MAFK: variants seen among roughly 807,000 people sequenced by gnomAD.
MAFK encodes the protein transcription factor MafK.
A neutral mutation model predicts 9.2 loss-of-function variants in MAFK; 1 was observed. That is an observed-to-expected ratio of 0.11 (90% confidence interval 0.04 to 0.52). The LOEUF (loss-of-function observed/expected upper bound fraction) is 0.52, where lower values mean the gene tolerates loss of function less well. Among genes scored for constraint, MAFK ranks in the 20% least tolerant of loss-of-function variants. MAFK has a pLI of 0.94. For synonymous variants in MAFK, 110 were observed against 107.4 expected (o/e 1.02, Z -0.15); for missense variants, 207 against 236.0 (o/e 0.88, Z 0.81).
chr7:1,539,348 G>T, intron 2 of MAFK, 120 bp downstream of exon 2: 1 of 767,798 alleles, frequency 1.3e-6, no homozygotes, highest in Non-Finnish European at 2.2e-6. Context: ...CCTGTTGCCA[G>T]GAGGAGGGGG....
intron 1 of MAFK, among the ~76,000 whole-genome samples, chr7:1,535,805 G>T (rs546123936): frequency 6.6e-5 from 10 of 152,332 alleles, no homozygotes; most frequent in African/African-American, 2.4e-4. Flanking sequence ...CCTCTGCAAG[G>T]TGCCTTCCTG....
Position 1,540,317 on chromosome 7 carries a change from C to A in MAFK, c.413C>A (p.Thr138Asn), listed in dbSNP as rs1460515866. ...AAGGTGGCCACCACCAGCGTCATCA[C>A]CATCGTCAAGTCCACCGAGCTCTCC... ...PSKVATTSVI[T>N]IVKSTELSST... The change falls in exon 3 of 3, where the codon ACC (threonine) becomes AAC (asparagine). Residue 138 changes from threonine to asparagine, a missense_variant. Transcript: ENST00000343242. The A allele has an allele frequency of 6.2e-7, 1 of 1,611,232 alleles. No homozygotes were observed. Among genetic ancestry groups the A allele is most frequent in the South Asian group, 1.1e-5 (1 of 90,932 alleles).
At chr7:1,535,135 T>C (rs1783998445) in intron 1 of MAFK, among the ~76,000 whole-genome samples, 1 of 146,666 alleles carries the variant, frequency 6.8e-6, no homozygotes, top group East Asian at 2.1e-4. Flanking sequence ...TTGCCCAGGC[T>C]GGCCTGAAAC....
At position 1,534,905 on chromosome 7, in the gene MAFK, CT is replaced by C. The variant is rs1158014093; in HGVS notation, c.-45+4018del. Among the ~76,000 whole-genome samples, 36 of 147,540 alleles carry C rather than the reference CT, an allele frequency of 2.4e-4. No individual in the cohort carries two copies. Among genetic ancestry groups the C allele is most frequent in the Admixed American group, 2.0e-4 (3 of 14,772 alleles). ...TGCTCAACTCACTTTTGCACTCTCTCTTTTTTTTTTTCCTAAAAGATAAGGT... is the reference window on the plus strand; with the variant it reads ...TGCTCAACTCACTTTTGCACTCTCTCTTTTTTTTTTCCTAAAAGATAAGGT... On this transcript the variant is annotated intron_variant, in intron 1 of 2. Transcript: ENST00000343242. The surrounding 1 kb of genome is among the most constrained non-coding windows in gnomAD (Gnocchi z 4.3).
chr7:1,538,553 C>T (rs909575347), intron 1 of MAFK: 1 of 512,532 alleles, frequency 2.0e-6, no homozygotes. Context: ...AGGGGCTCCC[C>T]AGAGGCCCCC....
chr7:1,533,736 G>A (rs74330312), intron 1 of MAFK, among the ~76,000 whole-genome samples: 1 of 151,838 alleles, frequency 6.6e-6, no homozygotes, highest in African/African-American at 2.4e-5. Flanking sequence ...TGGTTGGCGC[G>A]TGGATGAGGA....
rs1193070446 is a variant in MAFK at position 1,531,056 on chromosome 7, C to T, written c.-45+158C>T. Among the ~76,000 whole-genome samples the T allele has an allele frequency of 2.7e-5, 4 of 147,296 alleles. No homozygotes were observed. The East Asian group carries it at 8.0e-4, about 29-fold the overall frequency. ...GGGCCCGAGACCCTCATGCGGCCCGCGGCGCGGCCCGGGCACCTGCCCAGG... is the reference window on the plus strand; with the variant it reads ...GGGCCCGAGACCCTCATGCGGCCCGTGGCGCGGCCCGGGCACCTGCCCAGG... On this transcript the variant is annotated intron_variant, in intron 1 of 2. Transcript: ENST00000343242.
intron 1 of MAFK, 126 bp from the exon 2 acceptor site, chr7:1,539,023 T>C: frequency 1.3e-6 from 1 of 745,350 alleles, no homozygotes; most frequent in Non-Finnish European, 2.3e-6. Flanking sequence ...GTGCCCCGTC[T>C]TGTTTTCATG....
In MAFK at chr7:1,540,139, C is replaced by A; in HGVS notation, c.235C>A (p.Leu79Met). The A allele has an allele frequency of 6.4e-7, 1 of 1,572,494 alleles. No individual in the cohort carries two copies. The highest frequency in any genetic ancestry group is 2.3e-5 in the East Asian group (1 of 42,734). ...CAAGCGGGTGACGCAGAAGGAGGAG[C>A]TGGAGCGGCAGCGCGTGGAGCTGCA... is the stretch of plus-strand genomic sequence containing the variant. ...RIKRVTQKEE[L>M]ERQRVELQQE... Residue 79 changes from leucine (L) to methionine (M), a missense_variant, in exon 3 of 3, where the codon CTG becomes ATG. Coordinates refer to ENST00000343242, the MANE Select transcript of MAFK (RefSeq NM_002360.4).
At position 1,538,150 on chromosome 7, in the gene MAFK, T is replaced by A. The variant is rs1199768053; in HGVS notation, c.-44-999T>A. The A allele has an allele frequency of 6.2e-6, 3 of 485,856 alleles. No homozygotes were observed. In the African/African-American group the frequency reaches 6.3e-5, roughly 10 times the overall value. The allele number at this position is 485,856 out of a possible 1,614,324, so 30.1% of individuals were successfully genotyped here. On this transcript the variant is annotated intron_variant, in intron 1 of 2. Transcript: ENST00000343242. ...ATGACAACCGTGGGGGCTGGCTCGG[T>A]CCCAAGGTCGCCATGGCAACTATCG...
chr7:1,537,622 C>T, intron 1 of MAFK: 1 of 985,652 alleles, frequency 1.0e-6, no homozygotes, highest in Non-Finnish European at 1.2e-6. Context: ...CCTGTGCCAT[C>T]TACGTCAGCG....
At position 1,535,085 on chromosome 7, in the gene MAFK, C is replaced by CTTTTTTTTTTTTTTTTT. The variant is rs59057812; in HGVS notation, c.-44-4063_-44-4047dup. On this transcript the variant is annotated intron_variant, in intron 1 of 2. Transcript: ENST00000343242. ...CCATCACAACTGGCTATTTAAAATT[C>CTTTTTTTTTTTTTTTTT]TTTTTTTTTTTTTTTTTGTAGAGAT... is the stretch of plus-strand genomic sequence containing the variant. 1.3e-4 allele frequency among the ~76,000 whole-genome samples: 15 copies of CTTTTTTTTTTTTTTTTT among 111,948 alleles called. 1 individual carries two copies. Among genetic ancestry groups the CTTTTTTTTTTTTTTTTT allele is most frequent in the East Asian group, 2.8e-4 (1 of 3,556 alleles). The allele number at this position is 111,948 out of a possible 152,430, so 73.4% of individuals were successfully genotyped here.
At chr7:1,539,104 C>A in intron 1 of MAFK, 45 bp from the exon 2 acceptor site, 1 of 1,515,856 alleles carries the variant, frequency 6.6e-7, no homozygotes, top group South Asian at 1.1e-5. Flanking sequence ...CCGGCGCTGC[C>A]GGCCCTGACC....
rs141135685 is a variant in MAFK, at chr7:1,539,111, G to T, written c.-44-38G>T. The T allele has an allele frequency of 8.5e-3, 13,325 of 1,563,802 alleles. 72 individuals carry two copies. Among genetic ancestry groups the T allele is most frequent in the Admixed American group, 0.01 (598 of 59,488 alleles). Reference sequence around the variant, plus strand: ...CACCCTGTCCGGCGCTGCCGGCCCTGACCTGTGCTGGCTTCTCTGCTTGTC... The same window carrying T: ...CACCCTGTCCGGCGCTGCCGGCCCTTACCTGTGCTGGCTTCTCTGCTTGTC... On this transcript the variant is annotated intron_variant, in intron 1 of 2. Coordinates refer to ENST00000343242, the MANE Select transcript of MAFK (RefSeq NM_002360.4).
At chr7:1,531,314 G>T (rs983783863) in intron 1 of MAFK, among the ~76,000 whole-genome samples, 20 of 151,604 alleles carry the variant, frequency 1.3e-4, no homozygotes, top group African/African-American at 4.4e-4. Flanking sequence ...GCGCGGGCGC[G>T]TGGATTCTCC....
chr7:1,539,094 C>A, intron 1 of MAFK, 55 bp from the exon 2 acceptor site: 1 of 1,416,492 alleles, frequency 7.1e-7, no homozygotes, highest in Non-Finnish European at 9.9e-7. Flanking sequence ...GGCACCCTGT[C>A]CGGCGCTGCC....
intron 1 of MAFK, 94 bp from the exon 2 acceptor site, chr7:1,539,055 G>A (rs1217999858): frequency 1.1e-6 from 1 of 938,978 alleles, no homozygotes; most frequent in Non-Finnish European, 1.7e-6. Context: ...GTCCACCCCG[G>A]GCTGAGAAGC....
rs576549069 is a variant in MAFK at position 1,532,171 on chromosome 7, A to G, written c.-45+1273A>G. ...GTCTCTTTACTGGCACTGAGGTTTC[A>G]CCGTCACGGTGTGTTGTTGTAAGGG... is the stretch of plus-strand genomic sequence containing the variant. On this transcript the variant is annotated intron_variant, in intron 1 of 2. Coordinates refer to ENST00000343242, the MANE Select transcript of MAFK (RefSeq NM_002360.4). The surrounding 1 kb of genome is among the most constrained non-coding windows in gnomAD (Gnocchi z 4.5). 2.1e-3 allele frequency among the ~76,000 whole-genome samples: 319 copies of G among 152,178 alleles called. 1 individual carries two copies. Among genetic ancestry groups the G allele is most frequent in the African/African-American group, 7.5e-3 (310 of 41,504 alleles).
intron 1 of MAFK, chr7:1,538,438 C>T: frequency 1.0e-6 from 1 of 985,118 alleles, no homozygotes; most frequent in Non-Finnish European, 1.2e-6. Flanking sequence ...GATGTCACAG[C>T]CGCAGCGGCC....
Sources: allele counts gnomAD v4.1 joint callset (sites outside exome capture counted in the v4.1 genomes callset), GRCh38; gene constraint gnomAD v4.1.1; non-coding constraint Gnocchi (gnomAD v3.1); transcripts MANE v1.5; gene names NCBI Gene and HGNC (gene_info 2026-07-23, HGNC 2026-07-21).